Variants in GIPC2 observed in about 807,000 individuals in gnomAD.
GIPC2 encodes PDZ domain-containing protein GIPC2.
GIPC2 carries 30 observed loss-of-function variants against 30.6 expected under a neutral mutation model. The observed-to-expected ratio is 0.98, with a 90% CI of 0.73 to 1.33. GIPC2 has a LOEUF of 1.33. Among genes scored for constraint, GIPC2 ranks in the 40% most tolerant of loss-of-function variants. The pLI is 0.00. For missense variants in GIPC2, 414 were observed against 390.3 expected (o/e 1.06, Z -0.51); for synonymous variants, 167 against 150.0 (o/e 1.11, Z -0.83).
intron 1 of GIPC2, among the ~76,000 whole-genome samples, chr1:78,048,825 G>A (rs911339123): frequency 6.6e-6 from 1 of 152,018 alleles, no homozygotes; most frequent in Non-Finnish European, 1.5e-5. Flanking sequence ...TGACTTGCAA[G>A]GTCAGTTTCC....
chr1:78,097,786 TG>T, intron 3 of GIPC2, among the ~76,000 whole-genome samples: 1 of 152,294 alleles, frequency 6.6e-6, no homozygotes, highest in East Asian at 1.9e-4. Context: ...GAACCAAGCC[TG>T]TTTCAGGGGT....
intron 4 of GIPC2, 24 bp from the exon 5 acceptor site, chr1:78,125,857 T>G (rs1571527970): frequency 7.6e-7 from 1 of 1,316,450 alleles, no homozygotes; most frequent in East Asian, 2.3e-5. Flanking sequence ...GTATAATATC[T>G]TATTTCTCTC....
At chr1:78,112,368 A>G in intron 3 of GIPC2, 1 of 513,048 alleles carries the variant, frequency 1.9e-6, no homozygotes, top group East Asian at 5.5e-5. Flanking sequence ...CTGTTAGGCA[A>G]CCTTGTTGAC....
intron 3 of GIPC2, among the ~76,000 whole-genome samples, chr1:78,107,201 G>C: frequency 6.6e-6 from 1 of 151,500 alleles, no homozygotes; most frequent in East Asian, 2.0e-4. Context: ...CTCACTCTCT[G>C]AGGGTGGAGT....
At chr1:78,059,146 A>G (rs1661348650) in intron 1 of GIPC2, among the ~76,000 whole-genome samples, 1 of 152,190 alleles carries the variant, frequency 6.6e-6, no homozygotes, top group African/African-American at 2.4e-5. Flanking sequence ...CTTCACCCCT[A>G]CAGATTTTGA....
At chr1:78,045,677 G>A (rs1051776375), upstream of GIPC2, 7 of 985,352 alleles carry the variant, frequency 7.1e-6, no homozygotes, top group Admixed American at 6.1e-5. Flanking sequence ...CCAGACGTAC[G>A]GACCCGAAGG....
At chr1:78,069,771 A>C (rs1432579161) in intron 1 of GIPC2, among the ~76,000 whole-genome samples, 1 of 151,558 alleles carries the variant, frequency 6.6e-6, no homozygotes, top group Admixed American at 6.6e-5. Context: ...ACCGCACCTG[A>C]CCCCTGTAGT....
intron 3 of GIPC2, among the ~76,000 whole-genome samples, chr1:78,100,566 G>A (rs1662223217): frequency 6.6e-6 from 1 of 152,146 alleles, no homozygotes; most frequent in African/African-American, 2.4e-5. Flanking sequence ...GAGGAGATAG[G>A]ATAGGAAAGA....
chr1:78,071,435 T>C (rs1661615883), intron 1 of GIPC2, among the ~76,000 whole-genome samples: 3 of 151,962 alleles, frequency 2.0e-5, no homozygotes, highest in Admixed American at 1.3e-4. Context: ...TATATTTGGT[T>C]CCATACAGAG....
intron 4 of GIPC2, among the ~76,000 whole-genome samples, chr1:78,122,861 G>T (rs1266609022): frequency 1.3e-5 from 2 of 152,182 alleles, no homozygotes; most frequent in Non-Finnish European, 2.9e-5. Flanking sequence ...AGCATGAAAA[G>T]AAGCTATTAC....
chr1:78,051,609 C>G (rs568056901), intron 1 of GIPC2, among the ~76,000 whole-genome samples: 3 of 152,070 alleles, frequency 2.0e-5, no homozygotes, highest in Non-Finnish European at 4.4e-5. Flanking sequence ...AAGTGATTCT[C>G]CTGCCTCAGC....
intron 1 of GIPC2, among the ~76,000 whole-genome samples, chr1:78,065,958 A>C (rs1661502234): frequency 6.6e-6 from 1 of 152,260 alleles, no homozygotes; most frequent in African/African-American, 2.4e-5. Context: ...CAACCTAGGC[A>C]GTACCATTCT....
At position 78,138,146 on chromosome 1, in the gene GIPC2, A is replaced by C. The variant is rs543061941; in HGVS notation, c.*2403A>C. The C allele has an allele frequency of 3.9e-5, 6 of 152,292 alleles. No homozygotes were observed. The highest frequency in any genetic ancestry group is 1.4e-4 in the African/African-American group (6 of 41,572). 9.4% of individuals were successfully genotyped at this position (152,292 alleles called of 1,614,324 possible). A position where few individuals can be genotyped will look rare whatever the true frequency, so the allele number is the denominator to read the frequency against. ...AGCAGAAAATGCAAATGATAATTGT[A>C]TGTTGGGCTCGATGAGGCCTTGAAC... On this transcript the variant is annotated 3_prime_UTR_variant, in exon 6 of 6. Transcript: ENST00000370759.
At chr1:78,125,645 A>G (rs899156444) in intron 4 of GIPC2, among the ~76,000 whole-genome samples, 1 of 152,120 alleles carries the variant, frequency 6.6e-6, no homozygotes, top group Non-Finnish European at 1.5e-5. Flanking sequence ...CTACTTGGGG[A>G]TTGTGTTCCT....
At chr1:78,104,182 A>G (rs1416195649) in intron 3 of GIPC2, among the ~76,000 whole-genome samples, 11 of 143,588 alleles carry the variant, frequency 7.7e-5, no homozygotes, top group African/African-American at 2.4e-4. Flanking sequence ...TAGAGGGGGG[A>G]GAGGGGGCCG....
intron 1 of GIPC2, among the ~76,000 whole-genome samples, chr1:78,058,133 T>C (rs1661330330): frequency 6.6e-6 from 1 of 152,188 alleles, no homozygotes; most frequent in Non-Finnish European, 1.5e-5. Flanking sequence ...CATGGAATTA[T>C]AGTATAGCTT....
chr1:78,093,174 A>G (rs534226296), intron 2 of GIPC2, among the ~76,000 whole-genome samples: 3 of 152,326 alleles, frequency 2.0e-5, no homozygotes, highest in South Asian at 2.1e-4. Flanking sequence ...AGTATAGATT[A>G]TTGAATTCTT....
chr1:78,104,299 G>A (rs541260850), intron 3 of GIPC2, among the ~76,000 whole-genome samples: 27 of 152,118 alleles, frequency 1.8e-4, no homozygotes, highest in Non-Finnish European at 3.1e-4. Context: ...GGCTGCAAAA[G>A]CCGCTCAGGA....
At chr1:78,067,599 C>T (rs1661542869) in intron 1 of GIPC2, among the ~76,000 whole-genome samples, 2 of 151,980 alleles carry the variant, frequency 1.3e-5, no homozygotes, top group African/African-American at 4.8e-5. Flanking sequence ...ATTACAGGTG[C>T]CCACGACCAT....
Sources: allele counts gnomAD v4.1 joint callset (sites outside exome capture counted in the v4.1 genomes callset), GRCh38; gene constraint gnomAD v4.1.1; transcripts MANE v1.5; gene names NCBI Gene and HGNC (gene_info 2026-07-23, HGNC 2026-07-21).